The following ITFG1 variants were observed in gnomAD, a reference collection of about 807,000 sequenced individuals.
The protein encoded by ITFG1 is integrin alpha FG-GAP repeat containing 1, also known as T-cell immunomodulatory protein.
Under a neutral mutation model 81.8 loss-of-function variants are expected in ITFG1, and 34 were observed. The observed-to-expected ratio is 0.42, with a 90% CI of 0.32 to 0.55. ITFG1 has a LOEUF of 0.55. Ranked by LOEUF, ITFG1 falls within the 20% of genes least tolerant of loss-of-function variation. The pLI is 0.17. For synonymous variants in ITFG1, 285 were observed against 270.6 expected (o/e 1.05, Z -0.52); for missense variants, 672 against 755.4 (o/e 0.89, Z 1.29).
At position 47,382,312 on chromosome 16, in the gene ITFG1, C is replaced by T. The variant is rs550950025; in HGVS notation, c.656-6372G>A. 2.0e-5 allele frequency among the ~76,000 whole-genome samples: 3 copies of T among 152,296 alleles called. No homozygotes were observed. In the East Asian group the frequency reaches 5.8e-4, roughly 29 times the overall value. ...TGCCAGATCATATTTTATAAAGATG[C>T]ACTAATTTAGTAAGATGATATCAGA... On this transcript the variant is annotated intron_variant, in intron 6 of 17. Coordinates refer to ENST00000320640, the MANE Select transcript of ITFG1 (RefSeq NM_030790.5).
chr16:47,421,849 G>T (rs988100958), intron 6 of ITFG1, among the ~76,000 whole-genome samples: 5 of 152,026 alleles, frequency 3.3e-5, no homozygotes, highest in African/African-American at 1.2e-4. Flanking sequence ...CAGCAACAGG[G>T]TCTGGTGTGT....
rs377584034 is a variant in ITFG1 at position 47,322,491 on chromosome 16, C to T, written c.803-8668G>A. Among the ~76,000 whole-genome samples the T allele has an allele frequency of 2.6e-5, 4 of 152,132 alleles. No homozygotes were observed. In the East Asian group the frequency reaches 5.8e-4, roughly 22 times the overall value. On this transcript the variant is annotated intron_variant, in intron 8 of 17. Transcript: ENST00000320640. The stretch of plus-strand genomic sequence containing the variant: ...ATCACCTGAGGTCAGGAGTTCGAGA[C>T]CAGCCTGGCCAACATGGCAAAACCC...
chr16:47,236,888 C>T (rs1965882246), intron 13 of ITFG1, among the ~76,000 whole-genome samples: 1 of 152,250 alleles, frequency 6.6e-6, no homozygotes, highest in South Asian at 2.1e-4. Context: ...TAACAGCTCA[C>T]AGCAGGGTTC....
At chr16:47,212,391 T>A (rs939633711) in intron 14 of ITFG1, among the ~76,000 whole-genome samples, 8 of 152,100 alleles carry the variant, frequency 5.3e-5, no homozygotes, top group Admixed American at 6.6e-5. Context: ...TTTAAAAAAA[T>A]TTTTTTGTAG....
chr16:47,163,386 A>G (rs1335807561), intron 14 of ITFG1, among the ~76,000 whole-genome samples: 3 of 152,200 alleles, frequency 2.0e-5, no homozygotes, highest in South Asian at 4.1e-4. Flanking sequence ...TATAAATGCA[A>G]TCATACAATG....
intron 14 of ITFG1, among the ~76,000 whole-genome samples, chr16:47,179,616 A>G (rs933531004): frequency 2.0e-5 from 3 of 151,130 alleles, no homozygotes; most frequent in Non-Finnish European, 2.9e-5. Flanking sequence ...TGTAAAATAT[A>G]CCTTCATAAA....
rs536061924 is a variant in ITFG1 at position 47,179,012 on chromosome 16, C to G, written c.1454-16348G>C. ...CACTGGCCATCAGAGAAATGCAAAT[C>G]AAAACCACAATGAGATACCATCTCA... On this transcript the variant is annotated intron_variant, in intron 14 of 17. Transcript: ENST00000320640. Among the ~76,000 whole-genome samples the G allele has an allele frequency of 3.2e-4, 48 of 152,196 alleles. No homozygotes were observed. The South Asian group carries it at 9.3e-3, about 30-fold the overall frequency.
intron 12 of ITFG1, among the ~76,000 whole-genome samples, chr16:47,257,336 T>G (rs1467904481): frequency 1.3e-5 from 2 of 152,070 alleles, no homozygotes; most frequent in African/African-American, 4.8e-5. Flanking sequence ...TTCCATACAC[T>G]AAAATATGTG....
At chr16:47,232,789 C>T (rs1049615912) in intron 13 of ITFG1, among the ~76,000 whole-genome samples, 1 of 151,868 alleles carries the variant, frequency 6.6e-6, no homozygotes, top group Non-Finnish European at 1.5e-5. Flanking sequence ...TACAGGTGCA[C>T]ACCACCACAC....
At chr16:47,306,260 A>G (rs1296926067) in intron 10 of ITFG1, among the ~76,000 whole-genome samples, 1 of 152,194 alleles carries the variant, frequency 6.6e-6, no homozygotes, top group Non-Finnish European at 1.5e-5. Context: ...TTTAAATAAC[A>G]TAATTAACTG....
intron 10 of ITFG1, among the ~76,000 whole-genome samples, chr16:47,291,902 A>G (rs1202427198): frequency 6.6e-6 from 1 of 151,948 alleles, no homozygotes; most frequent in Non-Finnish European, 1.5e-5. Flanking sequence ...CTTTTGTCAC[A>G]CTGAGTTTCC....
chr16:47,277,432 C>T (rs970224479), intron 10 of ITFG1, among the ~76,000 whole-genome samples: 9 of 152,134 alleles, frequency 5.9e-5, no homozygotes, highest in Admixed American at 2.6e-4. Flanking sequence ...TTGCATCCCA[C>T]GAATACTATA....
At chr16:47,306,162 T>G (rs1967155428) in intron 10 of ITFG1, among the ~76,000 whole-genome samples, 1 of 152,062 alleles carries the variant, frequency 6.6e-6, no homozygotes, top group African/African-American at 2.4e-5. Flanking sequence ...AAATAAAAAT[T>G]TTAATATGTT....
At chr16:47,298,515 G>A (rs1400918221) in intron 10 of ITFG1, among the ~76,000 whole-genome samples, 3 of 151,896 alleles carry the variant, frequency 2.0e-5, no homozygotes, top group African/African-American at 7.3e-5. Context: ...ATGATGTTAT[G>A]TAGGGCTGTT....
intron 14 of ITFG1, among the ~76,000 whole-genome samples, chr16:47,191,877 T>C (rs1359096386): frequency 6.6e-6 from 1 of 152,164 alleles, no homozygotes; most frequent in Non-Finnish European, 1.5e-5. Context: ...AGTGATGCGA[T>C]CTTGGCTCAC....
At chr16:47,318,081 A>G (rs1350572854) in intron 8 of ITFG1, among the ~76,000 whole-genome samples, 2 of 152,196 alleles carry the variant, frequency 1.3e-5, no homozygotes, top group Non-Finnish European at 2.9e-5. Flanking sequence ...CTTAGCTGCT[A>G]ATAATGAGTA....
At chr16:47,301,078 T>A (rs1967068614) in intron 10 of ITFG1, among the ~76,000 whole-genome samples, 1 of 152,230 alleles carries the variant, frequency 6.6e-6, no homozygotes, top group Non-Finnish European at 1.5e-5. Flanking sequence ...CAGAAATCTA[T>A]GTGCCTTAAT....
At chr16:47,304,751 T>G in intron 10 of ITFG1, among the ~76,000 whole-genome samples, 1 of 152,210 alleles carries the variant, frequency 6.6e-6, no homozygotes, top group East Asian at 1.9e-4. Context: ...ACTAGTCTGA[T>G]TCATACAGAT....
intron 6 of ITFG1, among the ~76,000 whole-genome samples, chr16:47,413,607 GATCACTTGAACCCAGAA>G (rs1968837454): frequency 6.6e-6 from 1 of 151,984 alleles, no homozygotes; most frequent in Non-Finnish European, 1.5e-5. Context: ...GAAGTGGGAG[GATCACTTGAACCCAGAA>G]AGTTGAAGCT....
Sources: gnomAD v4.1 joint callset for allele counts (sites outside exome capture counted in the v4.1 genomes callset) on GRCh38, gnomAD v4.1.1 for gene constraint, MANE v1.5 for transcripts, NCBI Gene and HGNC (gene_info 2026-07-23, HGNC 2026-07-21) for gene names.